The following ARMC8 variants were observed in gnomAD, a reference collection of about 807,000 sequenced individuals.
ARMC8 encodes armadillo repeat containing 8, also known as armadillo repeat-containing protein 8.
A neutral mutation model predicts 99.3 loss-of-function variants in ARMC8; 20 were observed. The observed-to-expected ratio is 0.20, with a 90% CI of 0.14 to 0.29. The LOEUF (loss-of-function observed/expected upper bound fraction) is 0.29, where lower values mean the gene tolerates loss of function less well. Ranked by LOEUF, ARMC8 falls within the 10% of genes least tolerant of loss-of-function variation. ARMC8 has a pLI of 1.00. For missense variants in ARMC8, 569 were observed against 809.5 expected (o/e 0.70, Z 3.60); for synonymous variants, 263 against 278.3 (o/e 0.95, Z 0.55).
intron 11 of ARMC8, among the ~76,000 whole-genome samples, chr3:138,242,700 A>G (rs934079649): frequency 6.6e-5 from 10 of 152,150 alleles, no homozygotes; most frequent in Non-Finnish European, 1.5e-4. Context: ...TGTTTCATGA[A>G]TGTAACTGTA....
At chr3:138,222,108 TAAATC>T in intron 3 of ARMC8, 111 bp downstream of exon 3, 1 of 736,772 alleles carries the variant, frequency 1.4e-6, no homozygotes, top group Non-Finnish European at 2.2e-6. Context: ...ATTCTTAAAA[TAAATC>T]CTATTTTTAA....
At position 138,255,214 on chromosome 3, in the gene ARMC8, T is replaced by G. The variant is rs561662023; in HGVS notation, c.1135-8525T>G. On this transcript the variant is annotated intron_variant, in intron 12 of 21. Coordinates refer to ENST00000469044, the MANE Select transcript of ARMC8 (RefSeq NM_001363941.2). Reference sequence around the variant, plus strand: ...CTGTTTTTTTTTTTTTTGTTTTTTTTTTTTTTGAGATGGAGTCTCGCTCTG... The same window carrying G: ...CTGTTTTTTTTTTTTTTGTTTTTTTGTTTTTTGAGATGGAGTCTCGCTCTG... Among the ~76,000 whole-genome samples the G allele has an allele frequency of 3.1e-3, 460 of 148,094 alleles. 2 individuals are homozygous for G. Among genetic ancestry groups the G allele is most frequent in the African/African-American group, 0.01 (423 of 40,300 alleles).
At chr3:138,247,912 T>TAAGCACTCAATAA (rs1278788101) in intron 12 of ARMC8, among the ~76,000 whole-genome samples, 3 of 152,238 alleles carry the variant, frequency 2.0e-5, no homozygotes, top group African/African-American at 7.2e-5. Context: ...ACTCAATAAA[T>TAAGCACTCAATAA]ATTTGTTGAA....
intron 16 of ARMC8, among the ~76,000 whole-genome samples, chr3:138,272,250 C>T (rs2048869228): frequency 6.6e-6 from 1 of 152,090 alleles, no homozygotes; most frequent in Non-Finnish European, 1.5e-5. Flanking sequence ...TTAAGAAAAC[C>T]CACTGCTTAT....
chr3:138,290,578 A>G lies in ARMC8; in HGVS notation c.1927A>G (p.Met643Val), dbSNP rs769690540. 6 of 1,607,554 alleles carry G rather than the reference A, an allele frequency of 3.7e-6. No homozygotes were observed. Among genetic ancestry groups the G allele is most frequent in the South Asian group, 2.2e-5 (2 of 89,046 alleles). Residue 643 changes from methionine (M) to valine (V), a missense_variant, in exon 21 of 22, where the codon ATG becomes GTG. Physicochemically the swap from Met to Val is conservative, Grantham distance 21. Coordinates refer to ENST00000469044, the MANE Select transcript of ARMC8 (RefSeq NM_001363941.2). The stretch of plus-strand genomic sequence containing the variant: ...AGAACGCCAGGATAAATTACGAGAC[A>G]TGGGCATCGTAGATATTCTACACAA... ...SQERQDKLRD[M>V]GIVDILHKLS... is the part of the protein sequence containing the mutation.
intron 20 of ARMC8, among the ~76,000 whole-genome samples, chr3:138,290,018 A>AC (rs1188031369): frequency 6.6e-6 from 1 of 152,182 alleles, no homozygotes; most frequent in Non-Finnish European, 1.5e-5. Context: ...AGACAAAGCC[A>AC]CCCTCAAGGA....
chr3:138,222,057 C>A, intron 3 of ARMC8, 60 bp downstream of exon 3: 2 of 1,332,706 alleles, frequency 1.5e-6, no homozygotes, highest in Non-Finnish European at 1.1e-6. Flanking sequence ...GTATTTCTTA[C>A]TCTCAATTAT....
At chr3:138,286,117 A>G (rs2050385417) in intron 19 of ARMC8, among the ~76,000 whole-genome samples, 1 of 151,958 alleles carries the variant, frequency 6.6e-6, no homozygotes, top group African/African-American at 2.4e-5. Context: ...TAATTTTTGT[A>G]TTTTTAGAAG....
At chr3:138,189,407 G>C (rs2043250832) in intron 1 of ARMC8, among the ~76,000 whole-genome samples, 1 of 152,054 alleles carries the variant, frequency 6.6e-6, no homozygotes, top group African/African-American at 2.4e-5. Context: ...TCAATTCACT[G>C]ATTTTACTAA....
intron 14 of ARMC8, among the ~76,000 whole-genome samples, chr3:138,266,793 G>A (rs2048325982): frequency 6.6e-6 from 1 of 152,122 alleles, no homozygotes; most frequent in Non-Finnish European, 1.5e-5. Flanking sequence ...GGACCATTCT[G>A]TAGACTCATA....
At chr3:138,243,272 T>C (rs1044922612) in intron 11 of ARMC8, among the ~76,000 whole-genome samples, 1 of 152,356 alleles carries the variant, frequency 6.6e-6, no homozygotes, top group South Asian at 2.1e-4. Context: ...AGAGTAAAAC[T>C]GTAACAACAA....
chr3:138,263,969 A>G (rs758013819), intron 13 of ARMC8, 148 bp downstream of exon 13: 20 of 964,486 alleles, frequency 2.1e-5, no homozygotes, highest in Non-Finnish European at 3.2e-5. Flanking sequence ...ATTGTCTAAC[A>G]GAGAGCCTGG....
At chr3:138,278,633 T>C (rs1049022756) in intron 18 of ARMC8, among the ~76,000 whole-genome samples, 3 of 152,236 alleles carry the variant, frequency 2.0e-5, no homozygotes, top group African/African-American at 7.2e-5. Flanking sequence ...GTATTGTATT[T>C]ATAAATAAAT....
rs139086790 is a variant in ARMC8, at chr3:138,243,575, G to C, written c.1039-1513G>C. ...GGGAAGTTCTTCCTATAATCCATCAGTGTCTGCTTTGAACAGAAGTTTTGG... is the reference window on the plus strand; with the variant it reads ...GGGAAGTTCTTCCTATAATCCATCACTGTCTGCTTTGAACAGAAGTTTTGG... On this transcript the variant is annotated intron_variant, in intron 11 of 21. Coordinates refer to ENST00000469044, the MANE Select transcript of ARMC8 (RefSeq NM_001363941.2). 5.0e-3 allele frequency among the ~76,000 whole-genome samples: 759 copies of C among 152,198 alleles called. 6 individuals carry two copies. The highest frequency in any genetic ancestry group is 0.018 in the African/African-American group (728 of 41,520).
intron 1 of ARMC8, chr3:138,188,385 T>TTTTTTTTAAAAAAAG (rs2043194934): frequency 1.3e-5 from 19 of 1,483,504 alleles, no homozygotes; most frequent in Non-Finnish European, 1.7e-5. Context: ...CCTGTTTTTT[T>TTTTTTTTAAAAAAAG]TTTTTTTAAA....
At chr3:138,202,892 A>G (rs1234873246) in intron 1 of ARMC8, among the ~76,000 whole-genome samples, 2 of 152,202 alleles carry the variant, frequency 1.3e-5, no homozygotes, top group South Asian at 2.1e-4. Flanking sequence ...CTTGAGTTGA[A>G]CACTTATTTT....
chr3:138,289,172 G>A (rs1284259918), intron 20 of ARMC8, 52 bp downstream of exon 20: 3 of 1,420,842 alleles, frequency 2.1e-6, no homozygotes, highest in Non-Finnish European at 3.0e-6. Flanking sequence ...AGAGTGTCTT[G>A]CACAGGGAAG....
chr3:138,230,567 C>T (rs1250233411), intron 6 of ARMC8, among the ~76,000 whole-genome samples: 1 of 152,020 alleles, frequency 6.6e-6, no homozygotes, highest in Non-Finnish European at 1.5e-5. Context: ...GTGGGAAGAT[C>T]GATTGAGCAC....
chr3:138,204,603 G>T (rs747902392), intron 1 of ARMC8, among the ~76,000 whole-genome samples: 3 of 152,108 alleles, frequency 2.0e-5, no homozygotes, highest in African/African-American at 7.2e-5. Context: ...TACTGCTGTT[G>T]TCAAGATCAG....
Sources: allele counts gnomAD v4.1 joint callset (sites outside exome capture counted in the v4.1 genomes callset), GRCh38; gene constraint gnomAD v4.1.1; transcripts MANE v1.5; gene names NCBI Gene and HGNC (gene_info 2026-07-23, HGNC 2026-07-21).